SHISA9: variants seen among roughly 807,000 people sequenced by gnomAD.
The protein encoded by SHISA9 is protein shisa-9.
SHISA9 carries 13 observed loss-of-function variants against 38.0 expected under a neutral mutation model. The observed-to-expected ratio is 0.34, with a 90% CI of 0.22 to 0.54. SHISA9 has a LOEUF of 0.54. SHISA9 is among the 20% of genes least tolerant of loss of function. SHISA9 has a pLI of 0.91. For missense variants in SHISA9, 538 were observed against 575.8 expected (o/e 0.93, Z 0.67); for synonymous variants, 275 against 242.0 (o/e 1.14, Z -1.27).
chr16:13,424,819 C>G, the SHISA9 span, among the ~76,000 whole-genome samples: 1 of 152,216 alleles, frequency 6.6e-6, no homozygotes, highest in Admixed American at 6.5e-5. Context: ...TTGATTGCTT[C>G]TGGCTTAGAC....
At chr16:13,378,487 G>A in the SHISA9 span, among the ~76,000 whole-genome samples, 3 of 152,112 alleles carry the variant, frequency 2.0e-5, no homozygotes, top group Non-Finnish European at 4.4e-5. Flanking sequence ...CTCTGAAATA[G>A]CCACTGTGTC....
intron 2 of SHISA9, among the ~76,000 whole-genome samples, chr16:12,927,963 A>C (rs2071414446): frequency 6.6e-6 from 1 of 152,242 alleles, no homozygotes; most frequent in South Asian, 2.1e-4. Flanking sequence ...AGACCAGCAT[A>C]GTGTGCTGAC....
the SHISA9 span, among the ~76,000 whole-genome samples, chr16:13,377,181 G>T: frequency 6.6e-6 from 1 of 152,202 alleles, no homozygotes; most frequent in Non-Finnish European, 1.5e-5. Context: ...CAGAGAATGA[G>T]GCTCTTATTC....
At chr16:12,911,471 T>C (rs2071182778) in intron 1 of SHISA9, 4 of 776,274 alleles carry the variant, frequency 5.2e-6, no homozygotes, top group African/African-American at 1.9e-5. Context: ...ATTAGGTACA[T>C]TATGAAGCAT....
chr16:13,037,628 C>T (rs994522067), intron 2 of SHISA9, among the ~76,000 whole-genome samples: 35 of 152,266 alleles, frequency 2.3e-4, no homozygotes, highest in African/African-American at 8.2e-4. Context: ...CTGCGAGTAC[C>T]TCCTTCCACT....
intron 4 of SHISA9, among the ~76,000 whole-genome samples, chr16:13,215,197 G>A (rs1297197194): frequency 6.6e-6 from 1 of 152,190 alleles, no homozygotes; most frequent in African/African-American, 2.4e-5. Flanking sequence ...TAACCAGCTT[G>A]AGCACACATC....
the SHISA9 span, among the ~76,000 whole-genome samples, chr16:13,469,411 AAGAAAGAAAGAAAAAGAAAGAAAGAG>A: frequency 2.0e-4 from 26 of 127,364 alleles, no homozygotes; most frequent in East Asian, 4.7e-4. Flanking sequence ...GAAAGAAAGA[AAGAAAGAAAGAAAAAGAAAGAAAGAG>A]AAAGAAAGAG....
At chr16:13,044,502 G>T (rs976250132) in intron 2 of SHISA9, among the ~76,000 whole-genome samples, 2 of 152,198 alleles carry the variant, frequency 1.3e-5, no homozygotes, top group African/African-American at 4.8e-5. Flanking sequence ...AATGGACATA[G>T]ATCTTACAGA....
intron 2 of SHISA9, among the ~76,000 whole-genome samples, chr16:13,173,092 C>T (rs1473152977): frequency 6.6e-6 from 1 of 151,800 alleles, no homozygotes; most frequent in African/African-American, 2.4e-5. Flanking sequence ...AATACATTTT[C>T]TTCTCTGTAT....
intron 2 of SHISA9, among the ~76,000 whole-genome samples, chr16:12,992,542 C>G (rs765213048): frequency 2.0e-5 from 3 of 151,692 alleles, no homozygotes; most frequent in Non-Finnish European, 2.9e-5. Context: ...AAAACAAAAA[C>G]AAAAACAAAA....
At chr16:13,365,305 G>T in the SHISA9 span, among the ~76,000 whole-genome samples, 3 of 152,242 alleles carry the variant, frequency 2.0e-5, no homozygotes, top group African/African-American at 7.2e-5. Flanking sequence ...CCTCTGGCAA[G>T]GAGGACCTAC....
At chr16:13,328,114 C>A in the SHISA9 span, among the ~76,000 whole-genome samples, 2 of 152,110 alleles carry the variant, frequency 1.3e-5, no homozygotes, top group African/African-American at 4.8e-5. Context: ...CAGATATTTC[C>A]CATTCCCCCT....
chr16:13,293,656 T>C, the SHISA9 span, among the ~76,000 whole-genome samples: 2 of 152,246 alleles, frequency 1.3e-5, no homozygotes, highest in African/African-American at 4.8e-5. Flanking sequence ...TCCTCACTTA[T>C]TTCCTTTTAC....
the SHISA9 span, among the ~76,000 whole-genome samples, chr16:13,247,227 C>G: frequency 6.6e-6 from 1 of 152,044 alleles, no homozygotes; most frequent in Non-Finnish European, 1.5e-5. Context: ...GGGGGAACTG[C>G]CCCCATGATC....
chr16:13,475,335 C>CATATATATTTATATATATGTG, the SHISA9 span, among the ~76,000 whole-genome samples: 39,476 of 150,342 alleles, frequency 0.26, 5,561 homozygotes, highest in African/African-American at 0.35. Context: ...ATATATATCA[C>CATATATATTTATATATATGTG]ATATATATGT....
chr16:13,409,326 C>G, the SHISA9 span, among the ~76,000 whole-genome samples: 1 of 152,216 alleles, frequency 6.6e-6, no homozygotes, highest in African/African-American at 2.4e-5. Flanking sequence ...TTCCAGGACA[C>G]TGGACAAGAG....
At chr16:13,185,921 A>G (rs952689955) in intron 2 of SHISA9, among the ~76,000 whole-genome samples, 9 of 152,232 alleles carry the variant, frequency 5.9e-5, no homozygotes, top group African/African-American at 2.2e-4. Flanking sequence ...TGGAAATGTT[A>G]TAGGGAAACG....
the SHISA9 span, among the ~76,000 whole-genome samples, chr16:13,313,022 G>A: frequency 5.3e-5 from 8 of 151,926 alleles, no homozygotes; most frequent in East Asian, 1.9e-4. Context: ...TTGGGAGGCC[G>A]AGGCGGGCGG....
At chr16:13,161,962 G>A (rs2050598728) in intron 2 of SHISA9, among the ~76,000 whole-genome samples, 1 of 152,096 alleles carries the variant, frequency 6.6e-6, no homozygotes, top group South Asian at 2.1e-4. Context: ...TGATCTTATG[G>A]CTGTTCTTTT....
Sources: allele counts gnomAD v4.1 joint callset (sites outside exome capture counted in the v4.1 genomes callset), GRCh38; gene constraint gnomAD v4.1.1; transcripts MANE v1.5; gene names NCBI Gene and HGNC (gene_info 2026-07-23, HGNC 2026-07-21).